FLT1: variants seen among roughly 807,000 people sequenced by gnomAD.
The protein encoded by FLT1 is fms related receptor tyrosine kinase 1, also known as vascular endothelial growth factor receptor 1.
FLT1 carries 49 observed loss-of-function variants against 156.3 expected under a neutral mutation model. That is an observed-to-expected ratio of 0.31 (90% CI 0.25 to 0.40). The LOEUF is 0.40. Among genes scored for constraint, FLT1 ranks in the 10% least tolerant of loss-of-function variants. FLT1 has a pLI of 1.00. For missense variants in FLT1, 1,322 were observed against 1,637.2 expected, an observed-to-expected ratio of 0.81 and a Z score of 3.32; for synonymous variants, 594 against 583.8, an observed-to-expected ratio of 1.02 and a Z score of -0.25.
intron 4 of FLT1, among the ~76,000 whole-genome samples, chr13:28,437,965 T>C (rs1178384030): frequency 6.6e-6 from 1 of 152,250 alleles, no homozygotes; most frequent in African/African-American, 2.4e-5. Context: ...TGGCAATACA[T>C]AACATTTTTC....
At chr13:28,355,744 C>T (rs906259893) in intron 15 of FLT1, among the ~76,000 whole-genome samples, 2 of 152,198 alleles carry the variant, frequency 1.3e-5, no homozygotes, top group Non-Finnish European at 1.5e-5. Context: ...GACTCTAATC[C>T]AATCTGGAAG....
rs370602610 is a variant in FLT1 at position 28,322,761 on chromosome 13, G to A, written c.2953+29C>T. The A allele has an allele frequency of 1.1e-4, 170 of 1,605,970 alleles. No homozygotes were observed. Among genetic ancestry groups the A allele is most frequent in the African/African-American group, 4.1e-4 (31 of 74,852 alleles). The stretch of plus-strand genomic sequence containing the variant: ...TAGTATGTTGTAAAAATATCTCAGC[G>A]CGTAGGACAGGAAGGAATTAATACC... On this transcript the variant is annotated intron_variant, in intron 21 of 29. Coordinates refer to ENST00000282397, the MANE Select transcript of FLT1 (RefSeq NM_002019.4). The surrounding 1 kb of genome is among the most constrained non-coding windows in gnomAD (Gnocchi z 4.3).
chr13:28,387,893 G>C (rs757857854), intron 13 of FLT1: 1 of 1,058,986 alleles, frequency 9.4e-7, no homozygotes, highest in Non-Finnish European at 1.1e-6. Context: ...TCATCTCTTG[G>C]AAGTTCTTAA....
At chr13:28,397,239 G>A (rs2137473813) in intron 11 of FLT1, among the ~76,000 whole-genome samples, 171 bp from the exon 12 acceptor site, 1 of 152,260 alleles carries the variant, frequency 6.6e-6, no homozygotes. Context: ...CAACAAGAAT[G>A]GAAAAATAAC....
chr13:28,327,755 A>C (rs1284778817), intron 19 of FLT1, among the ~76,000 whole-genome samples: 3 of 47,666 alleles, frequency 6.3e-5, no homozygotes, highest in Non-Finnish European at 1.1e-4. Flanking sequence ...CAATTGAAAT[A>C]CAAAAAAAAA....
chr13:28,493,561 T>C (rs922921695), intron 1 of FLT1, among the ~76,000 whole-genome samples: 2 of 152,208 alleles, frequency 1.3e-5, no homozygotes, highest in African/African-American at 4.8e-5. Context: ...CCTATTGACT[T>C]TTCTTCCCGG....
At position 28,370,402 on chromosome 13, in the gene FLT1, C is replaced by A. The variant is rs946644291; in HGVS notation, c.2117-12717G>T. On this transcript the variant is annotated intron_variant, in intron 14 of 29. Transcript: ENST00000282397. Reference sequence around the variant, plus strand: ...TAATGGGTGCAGCACACCAACATGGCACATGTATACATATGTAACAAACCT... The same window carrying A: ...TAATGGGTGCAGCACACCAACATGGAACATGTATACATATGTAACAAACCT... Among the ~76,000 whole-genome samples, 7 of 152,174 alleles carry A rather than the reference C, an allele frequency of 4.6e-5. No homozygotes were observed. In the East Asian group the frequency reaches 1.2e-3, roughly 25 times the overall value.
chr13:28,473,759 A>G (rs1261353048), intron 1 of FLT1, among the ~76,000 whole-genome samples: 1 of 95,292 alleles, frequency 1.0e-5, no homozygotes, highest in Non-Finnish European at 2.2e-5. Context: ...GGAAGGAAGG[A>G]AGGAAGGAAG....
At chr13:28,429,935 G>A (rs775372252) in intron 8 of FLT1, 115 bp downstream of exon 8, 6 of 802,990 alleles carry the variant, frequency 7.5e-6, no homozygotes, top group African/African-American at 1.7e-5. Flanking sequence ...AGCTCTCTGG[G>A]GCTGTCTGAG....
At chr13:28,442,904 A>T (rs73453298) in intron 3 of FLT1, among the ~76,000 whole-genome samples, 5,787 of 152,224 alleles carry the variant, frequency 0.038, 342 homozygotes, top group African/African-American at 0.13. Context: ...CACCAGTAAA[A>T]CCACTTACTA....
intron 10 of FLT1, among the ~76,000 whole-genome samples, chr13:28,412,335 TTTC>T (rs1329651066): frequency 6.2e-4 from 6 of 9,696 alleles, no homozygotes; most frequent in Admixed American, 1.2e-3. Context: ...CTTTCTTTTC[TTTC>T]TTTCTTTCTT....
intron 3 of FLT1, among the ~76,000 whole-genome samples, chr13:28,452,211 T>TG (rs1878984048): frequency 6.6e-6 from 1 of 152,020 alleles, no homozygotes; most frequent in Non-Finnish European, 1.5e-5. Context: ...GGAGTTGGGG[T>TG]GGGAGCCCAG....
intron 3 of FLT1, among the ~76,000 whole-genome samples, chr13:28,451,135 A>T (rs757692543): frequency 3.3e-5 from 5 of 152,202 alleles, no homozygotes; most frequent in African/African-American, 4.8e-5. Flanking sequence ...CTCAGAACCA[A>T]CAGTTGGCCA....
At chr13:28,380,694 TG>T (rs1874043151) in intron 14 of FLT1, among the ~76,000 whole-genome samples, 1 of 119,172 alleles carries the variant, frequency 8.4e-6, no homozygotes, top group African/African-American at 3.1e-5. Context: ...GGAGGGGTGG[TG>T]GGGGGAGAAT....
At chr13:28,449,368 C>T (rs909398368) in intron 3 of FLT1, among the ~76,000 whole-genome samples, 3 of 152,156 alleles carry the variant, frequency 2.0e-5, no homozygotes, top group Non-Finnish European at 4.4e-5. Context: ...GGAATACTTG[C>T]CTGGTGTGTG....
intron 1 of FLT1, among the ~76,000 whole-genome samples, chr13:28,473,653 G>A (rs1214081637): frequency 2.3e-4 from 28 of 119,646 alleles, no homozygotes; most frequent in Non-Finnish European, 4.3e-4. Flanking sequence ...TCAAAAGAAA[G>A]AAAGAAAGAA....
In FLT1 at chr13:28,473,050, G is replaced by C. The variant is rs187746964; in HGVS notation, c.65-5433C>G. ...AACATGCAAATAAAAAACACAGGGA[G>C]ACACCACTTCATGCCGACTGGGAAA... is the stretch of plus-strand genomic sequence containing the variant. On this transcript the variant is annotated intron_variant, in intron 1 of 29. Coordinates refer to ENST00000282397, the MANE Select transcript of FLT1 (RefSeq NM_002019.4). Among the ~76,000 whole-genome samples the C allele has an allele frequency of 2.2e-4, 33 of 152,214 alleles. 1 individual carries two copies. Among genetic ancestry groups the C allele is most frequent in the Admixed American group, 1.8e-3 (28 of 15,290 alleles).
intron 3 of FLT1, among the ~76,000 whole-genome samples, chr13:28,448,634 G>T (rs1878746928): frequency 6.6e-6 from 1 of 152,170 alleles, no homozygotes; most frequent in Non-Finnish European, 1.5e-5. Flanking sequence ...AGGCTATGGA[G>T]TTTATTTTGA....
chr13:28,309,247 G>A (rs1008958811), intron 27 of FLT1, among the ~76,000 whole-genome samples: 2 of 152,236 alleles, frequency 1.3e-5, no homozygotes, highest in Non-Finnish European at 2.9e-5. Context: ...CAATGGCACA[G>A]GAGAGAAATG....
Sources: gnomAD v4.1 joint callset for allele counts (sites outside exome capture counted in the v4.1 genomes callset) on GRCh38, gnomAD v4.1.1 for gene constraint, Gnocchi (gnomAD v3.1) non-coding constraint, MANE v1.5 for transcripts, NCBI Gene and HGNC (gene_info 2026-07-23, HGNC 2026-07-21) for gene names.